Variants in PALM2AKAP2 observed in about 807,000 individuals in gnomAD.
The protein encoded by PALM2AKAP2 is PALM2-AKAP2 fusion protein.
A neutral mutation model predicts 71.5 loss-of-function variants in PALM2AKAP2; 37 were observed. That is an observed-to-expected ratio of 0.52 (90% CI 0.40 to 0.68). PALM2AKAP2 has a LOEUF of 0.68. Ranked by LOEUF, PALM2AKAP2 falls within the 30% of genes least tolerant of loss-of-function variation. PALM2AKAP2 has a pLI of 0.00. For missense variants in PALM2AKAP2, 1,224 were observed against 1,191.8 expected, an observed-to-expected ratio of 1.03 and a Z score of -0.40; for synonymous variants, 468 against 478.8, an observed-to-expected ratio of 0.98 and a Z score of 0.29.
At chr9:109,999,674 G>C (rs77227454) in intron 6 of PALM2AKAP2, among the ~76,000 whole-genome samples, 2,819 of 152,336 alleles carry the variant, frequency 0.019, 97 homozygotes, top group African/African-American at 0.065. Flanking sequence ...GGTGCTTTGC[G>C]TGGAGAACGG....
chr9:110,027,399 C>T (rs1833199822), intron 7 of PALM2AKAP2, among the ~76,000 whole-genome samples: 1 of 152,216 alleles, frequency 6.6e-6, no homozygotes, highest in Non-Finnish European at 1.5e-5. Flanking sequence ...CGTAGATGCT[C>T]TCTTTATCTT....
At chr9:109,867,330 A>C in intron 1 of PALM2AKAP2, 161 bp from the exon 2 acceptor site, 1 of 717,430 alleles carries the variant, frequency 1.4e-6, no homozygotes, top group East Asian at 2.9e-5. Context: ...TGCTGCTTGC[A>C]ACACACCCAG....
chr9:109,655,526 C>A (rs953710686), intron 1 of PALM2AKAP2, among the ~76,000 whole-genome samples: 5 of 152,034 alleles, frequency 3.3e-5, no homozygotes, highest in Non-Finnish European at 5.9e-5. Context: ...CCATGTTGTG[C>A]AATCATCACC....
chr9:109,724,011 G>T (rs971496502), intron 1 of PALM2AKAP2, among the ~76,000 whole-genome samples: 5 of 152,136 alleles, frequency 3.3e-5, no homozygotes, highest in Non-Finnish European at 7.3e-5. Flanking sequence ...TAGGTCATAC[G>T]TTCATTTCAG....
intron 1 of PALM2AKAP2, among the ~76,000 whole-genome samples, chr9:110,091,132 G>A (rs1834696167): frequency 6.6e-6 from 1 of 152,120 alleles, no homozygotes; most frequent in African/African-American, 2.4e-5. Context: ...ATGTTTGTGT[G>A]CTTCTCTTAG....
intron 7 of PALM2AKAP2, among the ~76,000 whole-genome samples, chr9:110,026,413 A>G (rs1833183087): frequency 6.6e-6 from 1 of 152,006 alleles, no homozygotes; most frequent in Non-Finnish European, 1.5e-5. Flanking sequence ...TTCACATCTT[A>G]GCCTTTTTTC....
At chr9:110,118,227 T>TTAATAAGGATATCATTTGTGTGTG (rs1835410231) in intron 1 of PALM2AKAP2, among the ~76,000 whole-genome samples, 1 of 150,518 alleles carries the variant, frequency 6.6e-6, no homozygotes, top group African/African-American at 2.4e-5. Flanking sequence ...ACACACAAAT[T>TTAATAAGGATATCATTTGTGTGTG]ATATCCTTAT....
At chr9:110,156,275 G>T in intron 2 of PALM2AKAP2, 44 bp from the exon 9 acceptor site, 1 of 1,495,720 alleles carries the variant, frequency 6.7e-7, no homozygotes, top group South Asian at 1.4e-5. Flanking sequence ...AAGCAGTCAT[G>T]AGCAGACAAG....
intron 1 of PALM2AKAP2, among the ~76,000 whole-genome samples, chr9:110,128,521 G>A (rs1029737009): frequency 3.3e-5 from 5 of 152,202 alleles, no homozygotes; most frequent in Non-Finnish European, 5.9e-5. Context: ...TAAAGGATCG[G>A]GTCACCTATT....
chr9:109,657,547 C>CAG (rs371288271), intron 1 of PALM2AKAP2, among the ~76,000 whole-genome samples: 50 of 149,328 alleles, frequency 3.3e-4, no homozygotes, highest in Middle Eastern at 6.9e-3. Context: ...GAGAGGATGA[C>CAG]AGAGAGAGAG....
intron 1 of PALM2AKAP2, among the ~76,000 whole-genome samples, chr9:109,695,051 T>C (rs936126104): frequency 6.6e-5 from 10 of 152,090 alleles, no homozygotes; most frequent in Admixed American, 2.0e-4. Context: ...GATCAAATAT[T>C]TAAATGTAAA....
intron 1 of PALM2AKAP2, among the ~76,000 whole-genome samples, chr9:109,787,505 A>C (rs879436731): frequency 4.6e-5 from 7 of 152,342 alleles, no homozygotes; most frequent in Non-Finnish European, 8.8e-5. Flanking sequence ...TATTAATAAT[A>C]AAAAATGGAT....
chr9:110,124,146 C>G (rs1467303610), intron 1 of PALM2AKAP2, among the ~76,000 whole-genome samples: 1 of 152,208 alleles, frequency 6.6e-6, no homozygotes, highest in Non-Finnish European at 1.5e-5. Context: ...CTTTTAGCCT[C>G]CTTTTCAAAA....
chr9:110,020,273 A>T (rs182499212), intron 7 of PALM2AKAP2, among the ~76,000 whole-genome samples: 2 of 152,302 alleles, frequency 1.3e-5, no homozygotes, highest in East Asian at 3.9e-4. Context: ...AAGGAATACA[A>T]TGTTTTGAAG....
At chr9:110,127,050 C>T (rs552688195) in intron 1 of PALM2AKAP2, among the ~76,000 whole-genome samples, 1 of 152,274 alleles carries the variant, frequency 6.6e-6, no homozygotes, top group South Asian at 2.1e-4. Flanking sequence ...CAGACCTGTA[C>T]CTGAGGCATA....
At chr9:110,063,813 A>G (rs1398746484) in intron 1 of PALM2AKAP2, among the ~76,000 whole-genome samples, 2 of 152,140 alleles carry the variant, frequency 1.3e-5, no homozygotes, top group African/African-American at 2.4e-5. Context: ...ATTTTAATTT[A>G]ATTACCTCTT....
chr9:110,071,373 C>T (rs1022875560), intron 1 of PALM2AKAP2, among the ~76,000 whole-genome samples: 1 of 152,136 alleles, frequency 6.6e-6, no homozygotes, highest in Non-Finnish European at 1.5e-5. Flanking sequence ...ATTTTCTTCT[C>T]CCAAGGAAAT....
At chr9:109,888,935 A>G (rs917398327) in intron 3 of PALM2AKAP2, among the ~76,000 whole-genome samples, 5 of 152,186 alleles carry the variant, frequency 3.3e-5, no homozygotes, top group Admixed American at 1.3e-4. Flanking sequence ...ATAATAAAAC[A>G]TGTCTCCAGA....
chr9:109,963,558 C>T (rs1026714729), intron 6 of PALM2AKAP2, among the ~76,000 whole-genome samples: 1 of 152,160 alleles, frequency 6.6e-6, no homozygotes, highest in African/African-American at 2.4e-5. Flanking sequence ...TTCCTATGGG[C>T]CTTTACTCAT....
Sources: gnomAD v4.1 joint callset for allele counts (sites outside exome capture counted in the v4.1 genomes callset) on GRCh38, gnomAD v4.1.1 for gene constraint, MANE v1.5 for transcripts, NCBI Gene and HGNC (gene_info 2026-07-23, HGNC 2026-07-21) for gene names.